Variants in SLX9 observed in about 807,000 individuals in gnomAD.
SLX9 encodes SLX9 ribosome biogenesis factor.
SLX9 carries 19 observed loss-of-function variants against 20.8 expected under a neutral mutation model. The ratio of observed to expected loss-of-function variants is 0.91; its 90% confidence interval spans 0.64 to 1.34. SLX9 has a LOEUF of 1.34. Among genes scored for constraint, SLX9 ranks in the 40% most tolerant of loss-of-function variants. The pLI, the probability that SLX9 is intolerant of heterozygous loss-of-function variation, is 0.00. For missense variants in SLX9, 299 were observed against 322.2 expected, an observed-to-expected ratio of 0.93 and a Z score of 0.55; for synonymous variants, 113 against 137.1, an observed-to-expected ratio of 0.82 and a Z score of 1.23.
At chr21:44,957,664 G>A (rs2084882529) in intron 2 of SLX9, among the ~76,000 whole-genome samples, 1 of 152,250 alleles carries the variant, frequency 6.6e-6, no homozygotes, top group African/African-American at 2.4e-5. Flanking sequence ...TCCACCGAGT[G>A]TGAGGGGGAG....
chr21:44,971,248 C>T (rs2085141457), intron 4 of SLX9, among the ~76,000 whole-genome samples: 1 of 152,106 alleles, frequency 6.6e-6, no homozygotes, highest in African/African-American at 2.4e-5. Context: ...CCACACTGGG[C>T]GGAGTTAGGC....
intron 2 of SLX9, among the ~76,000 whole-genome samples, chr21:44,948,571 G>A (rs1453071342): frequency 6.6e-6 from 1 of 152,216 alleles, no homozygotes; most frequent in Non-Finnish European, 1.5e-5. Context: ...GGCCTGGTAT[G>A]GACTCAGAGC....
chr21:44,969,611 C>T (rs911198712), intron 4 of SLX9, among the ~76,000 whole-genome samples: 9 of 152,198 alleles, frequency 5.9e-5, no homozygotes, highest in Admixed American at 4.6e-4. Context: ...GCTTTAGATT[C>T]GTAGAAAAAT....
intron 4 of SLX9, among the ~76,000 whole-genome samples, chr21:44,967,830 A>G (rs1389048709): frequency 6.6e-6 from 1 of 152,164 alleles, no homozygotes; most frequent in Non-Finnish European, 1.5e-5. Flanking sequence ...CCTCCCCAGG[A>G]GGGACGGGGC....
At chr21:44,964,220 A>G (rs768212386) in intron 3 of SLX9, among the ~76,000 whole-genome samples, 1 of 152,232 alleles carries the variant, frequency 6.6e-6, no homozygotes, top group African/African-American at 2.4e-5. Context: ...TTTTTAAAAT[A>G]CTAATCTTGT....
At chr21:44,974,145 A>G (rs879585238) in intron 5 of SLX9, among the ~76,000 whole-genome samples, 8 of 152,216 alleles carry the variant, frequency 5.3e-5, no homozygotes, top group Non-Finnish European at 1.0e-4. Context: ...TGAGAGAGCC[A>G]CATTTTACGC....
chr21:44,948,230 G>A (rs147829886), intron 2 of SLX9, among the ~76,000 whole-genome samples: 2,257 of 149,576 alleles, frequency 0.015, 67 homozygotes, highest in African/African-American at 0.052. Flanking sequence ...TCTGGTCGTG[G>A]AGCATCGGGC....
At chr21:44,956,411 G>A (rs1422367221) in intron 2 of SLX9, among the ~76,000 whole-genome samples, 2 of 152,042 alleles carry the variant, frequency 1.3e-5, no homozygotes, top group African/African-American at 4.8e-5. Context: ...TTCCCCAAAC[G>A]GCCTGTCCCA....
At chr21:44,951,828 T>A (rs1420143076) in intron 2 of SLX9, among the ~76,000 whole-genome samples, 1 of 152,092 alleles carries the variant, frequency 6.6e-6, no homozygotes, top group African/African-American at 2.4e-5. Context: ...TAGCAGTGTC[T>A]TCAGGAGCCC....
chr21:44,965,271 G>T (rs910461196), intron 3 of SLX9, among the ~76,000 whole-genome samples: 3 of 152,118 alleles, frequency 2.0e-5, no homozygotes, highest in Non-Finnish European at 4.4e-5. Flanking sequence ...CTTGGAAGCT[G>T]GTGTTTGTGT....
intron 4 of SLX9, among the ~76,000 whole-genome samples, chr21:44,968,425 C>T (rs1056128830): frequency 6.6e-6 from 1 of 152,250 alleles, no homozygotes; most frequent in African/African-American, 2.4e-5. Context: ...CACCCCAGGA[C>T]GGCTCAACCA....
intron 1 of SLX9, among the ~76,000 whole-genome samples, chr21:44,943,025 G>C (rs904934241): frequency 6.6e-6 from 1 of 152,192 alleles, no homozygotes; most frequent in Non-Finnish European, 1.5e-5. Context: ...TTGGGGTGGC[G>C]TATTCTGACC....
At chr21:44,948,358 TCGGGCGTCCGGGG>T (rs2084688224) in intron 2 of SLX9, among the ~76,000 whole-genome samples, 1 of 138,718 alleles carries the variant, frequency 7.2e-6, no homozygotes, top group Non-Finnish European at 1.5e-5. Context: ...TCGTGGAGCA[TCGGGCGTCCGGGG>T]AGCTGGTCAT....
chr21:44,966,473 TAAATC>T (rs2123438392), intron 3 of SLX9, among the ~76,000 whole-genome samples: 1 of 152,310 alleles, frequency 6.6e-6, no homozygotes, highest in East Asian at 1.9e-4. Flanking sequence ...ATTTTTAAAT[TAAATC>T]AAATCCCAAG....
chr21:44,939,853 C>A (rs532878785), upstream of SLX9: 122 of 578,444 alleles, frequency 2.1e-4, no homozygotes, highest in Admixed American at 6.7e-4. Context: ...CCGCGTCCTC[C>A]GGTCTGTTTC....
intron 1 of SLX9, among the ~76,000 whole-genome samples, 179 bp from the exon 2 acceptor site, chr21:44,943,505 T>C (rs2084585756): frequency 6.6e-6 from 1 of 152,214 alleles, no homozygotes; most frequent in South Asian, 2.1e-4. Context: ...CCTGGAGCTC[T>C]GGAACCGGAG....
At chr21:44,946,049 G>T (rs560219033) in intron 2 of SLX9, among the ~76,000 whole-genome samples, 1 of 152,294 alleles carries the variant, frequency 6.6e-6, no homozygotes, top group African/African-American at 2.4e-5. Flanking sequence ...TTTGTTTTTC[G>T]TAAGCTCAAA....
intron 2 of SLX9, among the ~76,000 whole-genome samples, chr21:44,952,288 T>C (rs2084772956): frequency 6.6e-6 from 1 of 152,252 alleles, no homozygotes; most frequent in South Asian, 2.1e-4. Context: ...CCCGGGAAGC[T>C]CAGCCACTGC....
upstream of SLX9, chr21:44,939,832 C>A: frequency 1.8e-6 from 1 of 565,866 alleles, no homozygotes; most frequent in East Asian, 3.2e-5. Context: ...GTTTCTCGTG[C>A]TCCGCGCCAC....
Sources: gnomAD v4.1 joint callset for allele counts (sites outside exome capture counted in the v4.1 genomes callset) on GRCh38, gnomAD v4.1.1 for gene constraint, MANE v1.5 for transcripts, NCBI Gene and HGNC (gene_info 2026-07-23, HGNC 2026-07-21) for gene names.